Variants in ATP11A observed in about 807,000 individuals in gnomAD.
ATP11A encodes phospholipid-transporting ATPase IH.
In ATP11A, 81 loss-of-function variants were observed where a neutral mutation model predicts 154.4. The ratio of observed to expected loss-of-function variants is 0.52; its 90% CI spans 0.44 to 0.63. The LOEUF is 0.63. Among genes scored for constraint, ATP11A ranks in the 30% least tolerant of loss-of-function variants. The pLI, the probability that ATP11A is intolerant of heterozygous loss-of-function variation, is 0.00. For missense variants in ATP11A, 1,316 were observed against 1,474.3 expected (o/e 0.89, Z 1.76); for synonymous variants, 623 against 585.9 (o/e 1.06, Z -0.91).
intron 20 of ATP11A, 128 bp downstream of exon 20, chr13:112,856,213 A>T: frequency 1.1e-6 from 1 of 916,326 alleles, no homozygotes; most frequent in South Asian, 1.8e-5. Context: ...AATAGAAGCA[A>T]CCGTGATAGA....
chr13:112,885,725 T>A lies in ATP11A; in HGVS notation c.*3859T>A, dbSNP rs1328482773. On this transcript the variant is annotated 3_prime_UTR_variant, in exon 30 of 30. Transcript: ENST00000375645. ...ACAAGTGCACACTGTCCTGGTGTCC[T>A]GCACTGCATCCTGCCTCCTTGCTGA... is the stretch of plus-strand genomic sequence containing the variant. The A allele has an allele frequency of 3.9e-5, 6 of 152,296 alleles. No homozygotes were observed. Among genetic ancestry groups the A allele is most frequent in the African/African-American group, 1.4e-4 (6 of 41,424 alleles). The allele number at this position is 152,296 out of a possible 1,614,324, so 9.4% of individuals were successfully genotyped here. A position where few individuals can be genotyped will look rare whatever the true frequency, so the allele number is the denominator to read the frequency against.
Position 112,766,118 on chromosome 13 carries a change from T to TA in ATP11A, c.40-19016dup, listed in dbSNP as rs797021328. On this transcript the variant is annotated intron_variant, in intron 1 of 29. Transcript: ENST00000375645. ...GGAATAGTGGTGGAGACGGACTTCT[T>TA]ATTCTTCAGATGTGCCCACCTGCTT... 7.9e-5 allele frequency among the ~76,000 whole-genome samples: 12 copies of TA among 152,102 alleles called. No homozygotes were observed. In the South Asian group the frequency reaches 2.3e-3, roughly 29 times the overall value.
At chr13:112,871,867 G>T (rs957381813) in intron 26 of ATP11A, 67 bp downstream of exon 26, 8 of 1,455,664 alleles carry the variant, frequency 5.5e-6, no homozygotes, top group African/African-American at 1.4e-5. Flanking sequence ...GGCCTCACGC[G>T]CTCTGAGCTC....
At chr13:112,750,939 C>G (rs1751585983) in intron 1 of ATP11A, among the ~76,000 whole-genome samples, 1 of 152,210 alleles carries the variant, frequency 6.6e-6, no homozygotes, top group African/African-American at 2.4e-5. Context: ...TAATTCTGTG[C>G]CATTCTAACT....
chr13:112,720,380 G>A (rs954974121), intron 1 of ATP11A, among the ~76,000 whole-genome samples: 11 of 152,360 alleles, frequency 7.2e-5, no homozygotes, highest in African/African-American at 2.6e-4. Context: ...TGGAGCCAGT[G>A]GAAGGGAGTG....
intron 1 of ATP11A, among the ~76,000 whole-genome samples, chr13:112,742,270 C>G (rs1164329510): frequency 6.6e-6 from 1 of 152,152 alleles, no homozygotes; most frequent in Non-Finnish European, 1.5e-5. Flanking sequence ...CATGGGAACC[C>G]TTGGGGGGTG....
Position 112,845,606 on chromosome 13 carries a change from CA to C in ATP11A, c.1809+3228del, listed in dbSNP as rs1314615889. On this transcript the variant is annotated intron_variant, in intron 17 of 29. Transcript: ENST00000375645. Reference sequence around the variant, plus strand: ...TAGTGGTTCTAACCAGTCCAGTTACCAGGCACTAGCGGTACTAACCAGTCCA... The same window carrying C: ...TAGTGGTTCTAACCAGTCCAGTTACCGGCACTAGCGGTACTAACCAGTCCA... Among the ~76,000 whole-genome samples, 57 of 119,254 alleles carry C rather than the reference CA, an allele frequency of 4.8e-4. 5 individuals carry two copies. The highest frequency in any genetic ancestry group is 2.3e-3 in the African/African-American group (54 of 23,294). 78.2% of individuals were successfully genotyped at this position (119,254 alleles called of 152,430 possible). A position where few individuals can be genotyped will look rare whatever the true frequency, so the allele number is the denominator to read the frequency against.
intron 1 of ATP11A, among the ~76,000 whole-genome samples, chr13:112,751,766 G>A (rs998262252): frequency 1.3e-4 from 19 of 148,920 alleles, no homozygotes; most frequent in Non-Finnish European, 1.9e-4. Flanking sequence ...GTCTTACTCT[G>A]TCACCCAGGC....
chr13:112,711,977 T>C (rs12876143), intron 1 of ATP11A, among the ~76,000 whole-genome samples: 11,585 of 152,248 alleles, frequency 0.076, 493 homozygotes, highest in Middle Eastern at 0.12. Context: ...AGGCTCCTTC[T>C]CCCAGCCCTG....
At chr13:112,781,209 T>C (rs928383572) in intron 1 of ATP11A, among the ~76,000 whole-genome samples, 1 of 147,594 alleles carries the variant, frequency 6.8e-6, no homozygotes, top group Non-Finnish European at 1.5e-5. Context: ...AATTTTTGTA[T>C]TTTTTTTTTC....
intron 2 of ATP11A, among the ~76,000 whole-genome samples, chr13:112,793,637 G>T (rs1404014574): frequency 6.6e-6 from 1 of 152,234 alleles, no homozygotes; most frequent in African/African-American, 2.4e-5. Context: ...TCAGTTCCAT[G>T]CGAGTGGCTG....
chr13:112,784,435 T>C (rs1471561494), intron 1 of ATP11A, among the ~76,000 whole-genome samples: 1 of 152,120 alleles, frequency 6.6e-6, no homozygotes, highest in Non-Finnish European at 1.5e-5. Context: ...CCCAGTATCA[T>C]AGTTTTTCTT....
intron 1 of ATP11A, among the ~76,000 whole-genome samples, chr13:112,756,411 G>A (rs1182976009): frequency 2.6e-5 from 4 of 152,118 alleles, no homozygotes; most frequent in Admixed American, 6.5e-5. Context: ...TCAGGATCAG[G>A]GTCCCCTTCC....
intron 25 of ATP11A, among the ~76,000 whole-genome samples, chr13:112,864,367 A>T (rs1471149109): frequency 5.9e-5 from 4 of 67,422 alleles, no homozygotes; most frequent in Non-Finnish European, 1.3e-4. Context: ...CCCAGCGGGG[A>T]TCATCACCAC....
Position 112,851,123 on chromosome 13 carries a change from A to T in ATP11A, c.1896A>T (p.Lys632Asn). 1 of 1,614,260 alleles carries T rather than the reference A, an allele frequency of 6.2e-7. No individual in the cohort carries two copies. The highest frequency in any genetic ancestry group is 8.5e-7 in the Non-Finnish European group (1 of 1,180,046). Residue 632 changes from lysine (K) to asparagine (N), a missense_variant, in exon 18 of 30, where the codon AAA becomes AAT. Physicochemically the swap from Lys to Asn is moderately conservative, Grantham distance 94 (BLOSUM62 0). Transcript: ENST00000375645. ...TTTGTAAGCTGCTGCAGGCTGCCAA[A>T]GTGGCCCTTCAAGATCGAGAGAAAA... ...EGICKLLQAA[K>N]VALQDREKKL... is the part of the protein sequence containing the mutation.
At chr13:112,752,614 T>C (rs543219444) in intron 1 of ATP11A, among the ~76,000 whole-genome samples, 1 of 152,346 alleles carries the variant, frequency 6.6e-6, no homozygotes, top group East Asian at 1.9e-4. Flanking sequence ...AGAAAATTAA[T>C]GAGGAATTTT....
At chr13:112,720,730 G>C (rs1191275315) in intron 1 of ATP11A, among the ~76,000 whole-genome samples, 1 of 152,048 alleles carries the variant, frequency 6.6e-6, no homozygotes. Flanking sequence ...GCTAATTTTT[G>C]TATTTTTTGT....
rs565011920 is a variant in ATP11A, at chr13:112,873,684, T to C, written c.3161+8T>C. ...CTGGGGAGGAGTGATCTGGTAAATA[T>C]CTGATAAGTAGCTGATAATCTGATA... is the stretch of plus-strand genomic sequence containing the variant. On this transcript the variant is annotated splice_region_variant and intron_variant, in intron 27 of 29. Transcript: ENST00000375645. 8.8e-6 allele frequency: 14 copies of C among 1,597,744 alleles called. No homozygotes were observed. The South Asian group carries it at 1.3e-4, about 15-fold the overall frequency.
At chr13:112,876,963 A>G (rs2080746530) in intron 28 of ATP11A, among the ~76,000 whole-genome samples, 1 of 152,212 alleles carries the variant, frequency 6.6e-6, no homozygotes, top group Non-Finnish European at 1.5e-5. Context: ...TTCTTGGGAC[A>G]TTGGTGCCGA....
Sources: gnomAD v4.1 joint callset for allele counts (sites outside exome capture counted in the v4.1 genomes callset) on GRCh38, gnomAD v4.1.1 for gene constraint, MANE v1.5 for transcripts, NCBI Gene and HGNC (gene_info 2026-07-23, HGNC 2026-07-21) for gene names.